Variants in ARMC9 observed in about 807,000 individuals in gnomAD.
The protein encoded by ARMC9 is lisH domain-containing protein ARMC9.
Under a neutral mutation model 107.0 loss-of-function variants are expected in ARMC9, and 94 were observed. The ratio of observed to expected loss-of-function variants is 0.88; its 90% CI spans 0.74 to 1.04. The LOEUF (loss-of-function observed/expected upper bound fraction) is 1.04. Ranked by LOEUF, ARMC9 falls within the 50% of genes least tolerant of loss-of-function variation. The probability of loss-of-function intolerance (pLI) is 0.00; values close to 1 mark genes in which losing one functional copy is unlikely to be tolerated. For synonymous variants in ARMC9, 380 were observed against 396.9 expected (o/e 0.96, Z 0.51); for missense variants, 942 against 1,030.1 (o/e 0.91, Z 1.17).
At chr2:231,318,022 T>C (rs1342394525) in intron 19 of ARMC9, among the ~76,000 whole-genome samples, 1 of 151,864 alleles carries the variant, frequency 6.6e-6, no homozygotes, top group African/African-American at 2.4e-5. Flanking sequence ...TCTTGTCTAT[T>C]TTTCCCCCAA....
chr2:231,362,479 T>A lies in ARMC9; in HGVS notation c.2261+1596T>A, dbSNP rs144439832. Reference sequence around the variant, plus strand: ...TTCACAGTAGGTAGGCAGCCGACCCTGAGGGACCTCATTACATCAAGCAGC... The same window carrying A: ...TTCACAGTAGGTAGGCAGCCGACCCAGAGGGACCTCATTACATCAAGCAGC... On this transcript the variant is annotated intron_variant, in intron 23 of 24. Coordinates refer to ENST00000611582, the MANE Select transcript of ARMC9 (RefSeq NM_001352754.2). This position sits in a 1 kb window ranked among gnomAD's most constrained non-coding sequence, Gnocchi z 4.7. Among the ~76,000 whole-genome samples, 313 of 152,198 alleles carry A rather than the reference T, an allele frequency of 2.1e-3. 7 individuals are homozygous for A. In the South Asian group the frequency reaches 0.03, roughly 15 times the overall value.
intron 19 of ARMC9, among the ~76,000 whole-genome samples, chr2:231,329,033 G>A (rs1464039512): frequency 1.3e-5 from 2 of 151,846 alleles, no homozygotes; most frequent in Non-Finnish European, 2.9e-5. Flanking sequence ...TAGTTAGCCA[G>A]AATGGTCTTG....
chr2:231,327,210 T>C (rs2043387398), intron 19 of ARMC9, among the ~76,000 whole-genome samples: 1 of 152,236 alleles, frequency 6.6e-6, no homozygotes, highest in Non-Finnish European at 1.5e-5. Context: ...CGGTCGGCGT[T>C]CGAGTATACA....
At chr2:231,228,837 G>A (rs1243479298) in intron 7 of ARMC9, among the ~76,000 whole-genome samples, 1 of 152,028 alleles carries the variant, frequency 6.6e-6, no homozygotes. Context: ...GGAAGGTGGT[G>A]AGAAACTTCT....
chr2:231,309,107 T>G (rs935253227), intron 19 of ARMC9, among the ~76,000 whole-genome samples: 3 of 152,234 alleles, frequency 2.0e-5, no homozygotes, highest in Non-Finnish European at 4.4e-5. Context: ...AGCTTCTAAA[T>G]TCGTTTATTT....
intron 1 of ARMC9, among the ~76,000 whole-genome samples, chr2:231,200,693 G>C (rs962088292): frequency 2.4e-5 from 3 of 124,720 alleles, no homozygotes; most frequent in South Asian, 2.3e-4. Flanking sequence ...AAATTAGCTG[G>C]GCGTCATGGC....
At chr2:231,331,634 A>G (rs1306977975) in intron 19 of ARMC9, among the ~76,000 whole-genome samples, 159 bp from the exon 20 acceptor site, 1 of 152,202 alleles carries the variant, frequency 6.6e-6, no homozygotes, top group Non-Finnish European at 1.5e-5. Context: ...TTGGGAGCAG[A>G]GGCAGACTGC....
intron 21 of ARMC9, among the ~76,000 whole-genome samples, chr2:231,346,413 CG>C (rs1402976052): frequency 3.3e-5 from 5 of 152,006 alleles, no homozygotes; most frequent in Admixed American, 3.3e-4. Flanking sequence ...CCCAGCTACT[CG>C]GGAGGCTGAG....
At chr2:231,201,663 G>A (rs140657754) in intron 1 of ARMC9, among the ~76,000 whole-genome samples, 101 of 152,324 alleles carry the variant, frequency 6.6e-4, no homozygotes, top group African/African-American at 2.2e-3. Flanking sequence ...CTCTGCAGCC[G>A]CCTTATGTGT....
At chr2:231,258,097 A>G (rs1042204308) in intron 10 of ARMC9, among the ~76,000 whole-genome samples, 2 of 151,912 alleles carry the variant, frequency 1.3e-5, no homozygotes, top group African/African-American at 4.8e-5. Context: ...CCTACAACCC[A>G]TCTCCTGCCT....
At position 231,278,374 on chromosome 2, in the gene ARMC9, T is replaced by G; in HGVS notation, c.1475-8T>G. On this transcript the variant is annotated splice_polypyrimidine_tract_variant and splice_region_variant and intron_variant, in intron 15 of 24. Coordinates refer to ENST00000611582, the MANE Select transcript of ARMC9 (RefSeq NM_001352754.2). ...ATGTCATGTTTAGCTTTGATTTGTT[T>G]CCCATAGGGAAGAACATGTGTGCCA... 6.2e-7 allele frequency: 1 copy of G among 1,613,986 alleles called. No individual in the cohort carries two copies. Among genetic ancestry groups the G allele is most frequent in the Non-Finnish European group, 8.5e-7 (1 of 1,179,868 alleles).
intron 3 of ARMC9, among the ~76,000 whole-genome samples, chr2:231,213,299 G>T (rs961681744): frequency 4.6e-5 from 7 of 150,836 alleles, no homozygotes; most frequent in Non-Finnish European, 1.0e-4. Context: ...GGGTAGCTGG[G>T]ACTACAGGCA....
chr2:231,347,161 TG>T (rs2044849202), intron 21 of ARMC9, among the ~76,000 whole-genome samples: 1 of 152,142 alleles, frequency 6.6e-6, no homozygotes, highest in African/African-American at 2.4e-5. Context: ...CTCTGATATG[TG>T]GGGGTGGCCC....
intron 8 of ARMC9, among the ~76,000 whole-genome samples, chr2:231,236,013 C>T (rs186566108): frequency 7.6e-4 from 115 of 152,312 alleles, no homozygotes; most frequent in African/African-American, 2.7e-3. Flanking sequence ...TTTTGAACAC[C>T]TGGGCTCAAG....
At chr2:231,272,884 A>G (rs2125436409) in intron 13 of ARMC9, 71 bp from the exon 14 acceptor site, 1 of 1,545,098 alleles carries the variant, frequency 6.5e-7, no homozygotes. Flanking sequence ...GTTTTCGTGG[A>G]AAGTGGTTTT....
Position 231,259,106 on chromosome 2 carries a change from G to A in ARMC9, c.1026+4G>A. ...CTTGTTGCAGGCTCTGCGCTGGGTA[G>A]GTACCTTTGTCTTAAAGTTAGAAAA... On this transcript the variant is annotated splice_donor_region_variant and intron_variant, in intron 11 of 24. Transcript: ENST00000611582. The A allele has an allele frequency of 6.2e-7, 1 of 1,608,636 alleles. No homozygotes were observed. The highest frequency in any genetic ancestry group is 8.5e-7 in the Non-Finnish European group (1 of 1,176,014).
At chr2:231,357,996 T>C (rs2045411180) in intron 22 of ARMC9, among the ~76,000 whole-genome samples, 1 of 152,232 alleles carries the variant, frequency 6.6e-6, no homozygotes, top group South Asian at 2.1e-4. Flanking sequence ...GATTCCATTC[T>C]GACCTTCTTT....
At chr2:231,367,380 G>GCCC (rs2045860819) in intron 23 of ARMC9, among the ~76,000 whole-genome samples, 1 of 152,100 alleles carries the variant, frequency 6.6e-6, no homozygotes, top group South Asian at 2.1e-4. Flanking sequence ...CGGCTTTAAG[G>GCCC]CGCCATATGG....
In ARMC9 at chr2:231,235,357, A is replaced by G. The variant is rs1313518114; in HGVS notation, c.756A>G (p.Leu252=). 2.5e-6 allele frequency: 4 copies of G among 1,614,198 alleles called. No individual in the cohort carries two copies. Among genetic ancestry groups the G allele is most frequent in the African/African-American group, 1.3e-5 (1 of 75,072 alleles). The change falls in exon 8 of 25, where the codon CTA becomes CTG. Residue 252 remains leucine (L), a synonymous_variant. Transcript: ENST00000611582. ...IGVTAELVDS[L]EATVSGKMIT... The stretch of plus-strand genomic sequence containing the variant: ...TCACAGCAGAGCTGGTGGATTCTCT[A>G]GAGGCCACAGTCAGCGGCAAGATGG...
Sources: gnomAD v4.1 joint callset for allele counts (sites outside exome capture counted in the v4.1 genomes callset) on GRCh38, gnomAD v4.1.1 for gene constraint, Gnocchi (gnomAD v3.1) non-coding constraint, MANE v1.5 for transcripts, NCBI Gene and HGNC (gene_info 2026-07-23, HGNC 2026-07-21) for gene names.